The following ATRX variants were observed in gnomAD, a reference collection of about 807,000 sequenced individuals.
ATRX encodes chromatin remodeler ATRX.
Under a neutral mutation model 172.6 loss-of-function variants are expected in ATRX, and 12 were observed. That is an observed-to-expected ratio of 0.07 (90% CI 0.04 to 0.11). ATRX has a LOEUF of 0.11. Among genes scored for constraint, ATRX ranks in the 10% least tolerant of loss-of-function variants. The probability of loss-of-function intolerance (pLI) is 1.00; values close to 1 mark genes in which losing one functional copy is unlikely to be tolerated. For synonymous variants in ATRX, 674 were observed against 594.7 expected (o/e 1.13, Z -1.94); for missense variants, 1,368 against 1,767.4 (o/e 0.77, Z 4.05).
Position 77,683,809 on chromosome X carries a change from G to C in ATRX, c.1447C>G (p.Gln483Glu), listed in dbSNP as rs2071395653. ...HMHQNVPTEEQRTNKSTGGEH... is the reference protein window; with the variant it reads ...HMHQNVPTEEERTNKSTGGEH... ...CCACCGGTACTTTTATTTGTTCTTT[G>C]TTCCTCTGTTGGAACATTCTGATGC... The change falls in exon 9 of 35, where the codon CAA becomes GAA. Residue 483 changes from glutamine (Q) to glutamate (E), a missense_variant. Physicochemically the swap from Gln to Glu is conservative, Grantham distance 29. Coordinates refer to ENST00000373344, the MANE Select transcript of ATRX (RefSeq NM_000489.6). The C allele has an allele frequency of 2.5e-6, 3 of 1,209,978 alleles. No individual in the cohort carries two copies. Among genetic ancestry groups the C allele is most frequent in the Non-Finnish European group, 2.2e-6 (2 of 894,171 alleles).
intron 2 of ATRX, among the ~76,000 whole-genome samples, chrX:77,712,917 G>A (rs999426892): frequency 5.4e-5 from 6 of 111,423 alleles, no homozygotes; most frequent in Non-Finnish European, 7.5e-5. Context: ...TTGGGAGGTC[G>A]AGGCAGGCGG....
In ATRX at chrX:77,655,472, T is replaced by C. The variant is rs184002098; in HGVS notation, c.4214+1088A>G. ...GATATACATTATATGAATCAACTCA[T>C]GCAAAATATCCAGAACAGGCAAATC... On this transcript the variant is annotated intron_variant, in intron 13 of 34. Coordinates refer to ENST00000373344, the MANE Select transcript of ATRX (RefSeq NM_000489.6). Among the ~76,000 whole-genome samples, 104 of 110,978 alleles carry C rather than the reference T, an allele frequency of 9.4e-4. 1 individual carries two copies. Among genetic ancestry groups the C allele is most frequent in the African/African-American group, 3.3e-3 (102 of 30,661 alleles).
At chrX:77,614,614 T>C (rs1557095733) in intron 22 of ATRX, among the ~76,000 whole-genome samples, 2 of 111,897 alleles carry the variant, frequency 1.8e-5, no homozygotes, top group Non-Finnish European at 3.8e-5. Flanking sequence ...TTTTTACATA[T>C]TTTGGGAGTG....
At position 77,506,713 on chromosome X, in the gene ATRX, C is replaced by T. The variant is rs6623513; in HGVS notation, c.*1638G>A. ...ATCATGGGAAAGTGGGGGAGAGGGG[C>T]GTGGATCCACCAAACCTCACAAATT... On this transcript the variant is annotated 3_prime_UTR_variant, in exon 35 of 35. Transcript: ENST00000373344. 7,148 of 172,037 alleles carry T rather than the reference C, an allele frequency of 0.042. 541 individuals are homozygous for T. The highest frequency in any genetic ancestry group is 0.2 in the African/African-American group (6,654 of 33,139). 14.2% of individuals were successfully genotyped at this position (172,037 alleles called of 1,213,427 possible).
Position 77,508,221 on chromosome X carries a change from C to A in ATRX, c.*130G>T. On this transcript the variant is annotated 3_prime_UTR_variant, in exon 35 of 35. Transcript: ENST00000373344. The stretch of plus-strand genomic sequence containing the variant: ...CTATTTAAAAAAAAAAAAAGTAAAA[C>A]TAATATGGAAGATTGGCATTTAAGG... The A allele has an allele frequency of 2.2e-5, 17 of 770,739 alleles. No homozygotes were observed. Among genetic ancestry groups the A allele is most frequent in the East Asian group, 6.7e-5 (2 of 29,745 alleles). The allele number at this position is 770,739 out of a possible 1,213,427, so 63.5% of individuals were successfully genotyped here.
At chrX:77,710,933 A>AC (rs2073081917) in intron 2 of ATRX, among the ~76,000 whole-genome samples, 6 of 97,911 alleles carry the variant, frequency 6.1e-5, no homozygotes, top group Admixed American at 5.8e-4. Flanking sequence ...ATAGAACTTT[A>AC]ACACACACAC....
At chrX:77,758,092 A>G (rs1179955977) in intron 1 of ATRX, among the ~76,000 whole-genome samples, 1 of 111,877 alleles carries the variant, frequency 8.9e-6, no homozygotes, top group Non-Finnish European at 1.9e-5. Flanking sequence ...TGAAATATTA[A>G]AAGTGTGAAG....
At chrX:77,533,676 C>A (rs1868639052) in intron 30 of ATRX, among the ~76,000 whole-genome samples, 2 of 111,073 alleles carry the variant, frequency 1.8e-5, no homozygotes, top group South Asian at 7.7e-4. Context: ...CTAATGGATG[C>A]TGAGCTTAAT....
intron 1 of ATRX, among the ~76,000 whole-genome samples, chrX:77,734,701 C>T (rs782550920): frequency 2.6e-4 from 28 of 107,378 alleles, no homozygotes; most frequent in Middle Eastern, 0.011. Context: ...GCAGGAGAAT[C>T]GCTTGAACGC....
intron 1 of ATRX, among the ~76,000 whole-genome samples, chrX:77,738,977 T>G (rs1361666981): frequency 5.4e-5 from 6 of 111,939 alleles, no homozygotes; most frequent in Non-Finnish European, 1.1e-4. Context: ...TTATTTACAT[T>G]TGCAATTTTT....
At chrX:77,643,505 C>T (rs1014734690) in intron 15 of ATRX, among the ~76,000 whole-genome samples, 7 of 111,229 alleles carry the variant, frequency 6.3e-5, no homozygotes, top group Admixed American at 1.9e-4. Flanking sequence ...CCACCTCAAC[C>T]GATCTAGCCA....
chrX:77,557,622 A>G lies in ATRX; in HGVS notation c.6528T>C (p.Tyr2176=), dbSNP rs2147942097. 8.3e-7 allele frequency: 1 copy of G among 1,206,450 alleles called. No individual in the cohort carries two copies. Among genetic ancestry groups the G allele is most frequent in the Non-Finnish European group, 1.1e-6 (1 of 893,594 alleles). Residue 2176 remains tyrosine, a synonymous_variant, in exon 30 of 35, where the codon TAT becomes TAC. Transcript: ENST00000373344. ...GTGACTGCTTAGTTACTTGCCGATC[A>G]TAAATCTTATCTTCCATGGTTCCCT... ...LAQGTMEDKI[Y]DRQVTKQSLS... is the part of the protein sequence containing the mutation.
intron 16 of ATRX, among the ~76,000 whole-genome samples, chrX:77,635,460 A>G (rs1352056354): frequency 8.9e-6 from 1 of 111,776 alleles, no homozygotes; most frequent in Non-Finnish European, 1.9e-5. Flanking sequence ...AAAGGGGACT[A>G]GCAACTCAAA....
chrX:77,670,687 G>A (rs186256910), intron 10 of ATRX, among the ~76,000 whole-genome samples: 203 of 108,694 alleles, frequency 1.9e-3, no homozygotes, highest in African/African-American at 6.3e-3. Flanking sequence ...CCCAGGAGGC[G>A]GAGGTTGCAG....
intron 27 of ATRX, among the ~76,000 whole-genome samples, chrX:77,585,112 C>A (rs1355607492): frequency 9.0e-6 from 1 of 111,254 alleles, no homozygotes; most frequent in East Asian, 2.8e-4. Context: ...TATCTTCCCA[C>A]CCCAGTTAAC....
chrX:77,661,318 G>C (rs1446715923), intron 12 of ATRX, among the ~76,000 whole-genome samples: 1 of 111,323 alleles, frequency 9.0e-6, no homozygotes, highest in Non-Finnish European at 1.9e-5. Context: ...GAACTGTGTG[G>C]TTTGTGAGTT....
At chrX:77,674,164 G>A (rs2070756088) in intron 10 of ATRX, 1 of 110,710 alleles carries the variant, frequency 9.0e-6, no homozygotes, top group Non-Finnish European at 1.9e-5. Flanking sequence ...TCAAAAATTA[G>A]GAAGTTAGAA....
At chrX:77,591,206 C>T (rs978129794) in intron 26 of ATRX, among the ~76,000 whole-genome samples, 2 of 111,723 alleles carry the variant, frequency 1.8e-5, no homozygotes, top group Non-Finnish European at 3.8e-5. Flanking sequence ...TGTTCCCTTA[C>T]CCTCTCCTTT....
intron 22 of ATRX, among the ~76,000 whole-genome samples, chrX:77,604,958 T>C (rs1346204083): frequency 1.8e-5 from 2 of 111,908 alleles, no homozygotes; most frequent in Admixed American, 9.5e-5. Context: ...TGTGAACACA[T>C]GGATGTAGAG....
Sources: gnomAD v4.1 joint callset for allele counts (sites outside exome capture counted in the v4.1 genomes callset) on GRCh38, gnomAD v4.1.1 for gene constraint, MANE v1.5 for transcripts, NCBI Gene and HGNC (gene_info 2026-07-23, HGNC 2026-07-21) for gene names.